The following KCNJ6 variants were observed in gnomAD, a reference collection of about 807,000 sequenced individuals.
The protein encoded by KCNJ6 is G protein-activated inward rectifier potassium channel 2.
A neutral mutation model predicts 34.2 loss-of-function variants in KCNJ6; 9 were observed. The ratio of observed to expected loss-of-function variants is 0.26; its 90% CI spans 0.16 to 0.46. The LOEUF (loss-of-function observed/expected upper bound fraction) is 0.46, where lower values mean the gene tolerates loss of function less well. Among genes scored for constraint, KCNJ6 ranks in the 20% least tolerant of loss-of-function variants. The probability of loss-of-function intolerance (pLI) is 1.00; values close to 1 mark genes in which losing one functional copy is unlikely to be tolerated. For missense variants in KCNJ6, 236 were observed against 531.3 expected, an observed-to-expected ratio of 0.44 and a Z score of 5.46; for synonymous variants, 196 against 207.1, an observed-to-expected ratio of 0.95 and a Z score of 0.46.
intron 2 of KCNJ6, chr21:37,719,270 T>G (rs922690898): frequency 6.6e-6 from 1 of 152,442 alleles, no homozygotes; most frequent in African/African-American, 2.4e-5. Flanking sequence ...CTGGCATGCA[T>G]GCAGATGTTG....
chr21:37,738,382 G>C (rs757369738), intron 2 of KCNJ6, among the ~76,000 whole-genome samples: 3 of 152,194 alleles, frequency 2.0e-5, no homozygotes, highest in African/African-American at 7.2e-5. Flanking sequence ...GTGCTTTGCT[G>C]TGCCTCCCCT....
chr21:37,850,969 G>GATTC (rs1046867261), intron 1 of KCNJ6, among the ~76,000 whole-genome samples: 10 of 151,640 alleles, frequency 6.6e-5, no homozygotes, highest in East Asian at 1.9e-4. Context: ...TTGATTGATT[G>GATTC]ATTCATTCAT....
At chr21:37,767,649 T>C (rs1376656441) in intron 2 of KCNJ6, among the ~76,000 whole-genome samples, 8 of 152,300 alleles carry the variant, frequency 5.3e-5, no homozygotes, top group African/African-American at 1.9e-4. Context: ...AAGAAAGTGA[T>C]GGGGAATTAA....
At chr21:37,904,794 A>T (rs1345124968) in intron 1 of KCNJ6, among the ~76,000 whole-genome samples, 1 of 152,218 alleles carries the variant, frequency 6.6e-6, no homozygotes, top group African/African-American at 2.4e-5. Context: ...GGAGAAAAAA[A>T]GGAGTCTTGT....
At chr21:37,756,505 G>C (rs1479657941) in intron 2 of KCNJ6, among the ~76,000 whole-genome samples, 1 of 152,212 alleles carries the variant, frequency 6.6e-6, no homozygotes, top group African/African-American at 2.4e-5. Flanking sequence ...CCGCTATGCT[G>C]GTCTCCACCC....
intron 3 of KCNJ6, among the ~76,000 whole-genome samples, chr21:37,664,164 A>G (rs2054503126): frequency 6.6e-6 from 1 of 152,206 alleles, no homozygotes; most frequent in Non-Finnish European, 1.5e-5. Context: ...GAATTGAACA[A>G]TAGAATAAAA....
At chr21:37,672,630 T>G (rs571154026) in intron 3 of KCNJ6, among the ~76,000 whole-genome samples, 61 of 152,294 alleles carry the variant, frequency 4.0e-4, no homozygotes, top group Non-Finnish European at 6.5e-4. Context: ...TAGTATAAAC[T>G]TATCAGCTAT....
chr21:37,904,483 G>GA (rs1165410314), intron 1 of KCNJ6, among the ~76,000 whole-genome samples: 2 of 151,464 alleles, frequency 1.3e-5, no homozygotes, highest in Non-Finnish European at 1.5e-5. Flanking sequence ...TTGGGGTCTT[G>GA]AAAAAAAATT....
chr21:37,633,714 AC>A (rs950998545), intron 3 of KCNJ6, among the ~76,000 whole-genome samples: 1 of 149,750 alleles, frequency 6.7e-6, no homozygotes, highest in Non-Finnish European at 1.5e-5. Flanking sequence ...TCCTCTAGCA[AC>A]AAAAAAAACC....
At chr21:37,713,338 C>G (rs973404928) in intron 3 of KCNJ6, among the ~76,000 whole-genome samples, 2 of 152,042 alleles carry the variant, frequency 1.3e-5, no homozygotes, top group Non-Finnish European at 2.9e-5. Context: ...CCTCAAAGAA[C>G]AATAAAGACC....
chr21:37,631,107 C>T (rs1368142865), intron 3 of KCNJ6, among the ~76,000 whole-genome samples: 3 of 152,030 alleles, frequency 2.0e-5, no homozygotes, highest in African/African-American at 4.8e-5. Context: ...TTGTGAATGC[C>T]CTGAGGATCT....
chr21:37,907,682 T>C (rs1424017610), intron 1 of KCNJ6, among the ~76,000 whole-genome samples: 1 of 152,202 alleles, frequency 6.6e-6, no homozygotes, highest in Admixed American at 6.5e-5. Context: ...GTCCCACTTT[T>C]ATCCCTTAGA....
intron 1 of KCNJ6, among the ~76,000 whole-genome samples, chr21:37,869,447 T>G (rs1181071048): frequency 6.6e-6 from 1 of 152,380 alleles, no homozygotes; most frequent in East Asian, 1.9e-4. Flanking sequence ...ACCATTTTCC[T>G]AAGTTGTCAG....
At chr21:37,801,887 C>T (rs540361104) in intron 2 of KCNJ6, among the ~76,000 whole-genome samples, 2 of 152,202 alleles carry the variant, frequency 1.3e-5, no homozygotes, top group South Asian at 2.1e-4. Context: ...AACATTATTC[C>T]CCCCAGTCAC....
chr21:37,859,844 C>G (rs2055586039), intron 1 of KCNJ6, among the ~76,000 whole-genome samples: 1 of 152,202 alleles, frequency 6.6e-6, no homozygotes, highest in Non-Finnish European at 1.5e-5. Context: ...TAAGCTACCA[C>G]TGATACTTTT....
intron 2 of KCNJ6, among the ~76,000 whole-genome samples, chr21:37,762,207 ACTC>A (rs2055068766): frequency 6.6e-6 from 1 of 151,576 alleles, no homozygotes. Context: ...ATCTGAACCC[ACTC>A]CTCTGGCTCC....
intron 3 of KCNJ6, among the ~76,000 whole-genome samples, chr21:37,632,145 G>A (rs2054336652): frequency 6.6e-6 from 1 of 152,044 alleles, no homozygotes; most frequent in African/African-American, 2.4e-5. Context: ...TCTCACAGAG[G>A]AGAGAACTGG....
At chr21:37,649,040 A>C (rs1230909796) in intron 3 of KCNJ6, among the ~76,000 whole-genome samples, 1 of 1,376 alleles carries the variant, frequency 7.3e-4, no homozygotes, top group Non-Finnish European at 2.1e-3. Context: ...GCTGAGGCAG[A>C]AGGAATCACC....
At chr21:37,746,459 T>C (rs1290558336) in intron 2 of KCNJ6, among the ~76,000 whole-genome samples, 1 of 152,190 alleles carries the variant, frequency 6.6e-6, no homozygotes, top group Non-Finnish European at 1.5e-5. Context: ...TGAGGGTGTT[T>C]ACTGAGTGTG....
Sources: gnomAD v4.1 joint callset for allele counts (sites outside exome capture counted in the v4.1 genomes callset) on GRCh38, gnomAD v4.1.1 for gene constraint, MANE v1.5 for transcripts, NCBI Gene and HGNC (gene_info 2026-07-23, HGNC 2026-07-21) for gene names.